NPSR1: variants seen among roughly 807,000 people sequenced by gnomAD.
NPSR1 encodes neuropeptide S receptor.
Under a neutral mutation model 46.9 loss-of-function variants are expected in NPSR1, and 48 were observed. The ratio of observed to expected loss-of-function variants is 1.02; its 90% confidence interval spans 0.81 to 1.30. The LOEUF (loss-of-function observed/expected upper bound fraction) is 1.30, where lower values mean the gene tolerates loss of function less well. NPSR1 is among the 50% of genes most tolerant of loss of function. The probability of loss-of-function intolerance (pLI) is 0.00; values close to 1 mark genes in which losing one functional copy is unlikely to be tolerated. For synonymous variants in NPSR1, 176 were observed against 168.1 expected, an observed-to-expected ratio of 1.05 and a Z score of -0.36; for missense variants, 450 against 449.5, an observed-to-expected ratio of 1.00 and a Z score of -0.01.
intron 1 of NPSR1, 56 bp downstream of exon 1, chr7:34,658,615 A>G (rs1262706597): frequency 7.2e-6 from 11 of 1,519,230 alleles, no homozygotes; most frequent in Non-Finnish European, 8.2e-6. Flanking sequence ...GACTGCTGGA[A>G]CTTAAGAGTG....
At position 34,774,010 on chromosome 7, in the gene NPSR1, C is replaced by T. The variant is rs139083202; in HGVS notation, c.281-4452C>T. On this transcript the variant is annotated intron_variant, in intron 2 of 8. Transcript: ENST00000360581. ...TCCCTTTCATTCAGGTCCCTGTCCA[C>T]ACAGCTAGACTATTGGCTACTGTGC... 5.0e-3 allele frequency among the ~76,000 whole-genome samples: 761 copies of T among 152,306 alleles called. 4 individuals are homozygous for T. The highest frequency in any genetic ancestry group is 0.027 in the Middle Eastern group (8 of 294).
chr7:34,755,859 T>C (rs572575231), intron 2 of NPSR1, among the ~76,000 whole-genome samples: 1 of 152,308 alleles, frequency 6.6e-6, no homozygotes. Flanking sequence ...AAAAAAATCT[T>C]TTCATATATG....
intron 2 of NPSR1, among the ~76,000 whole-genome samples, chr7:34,693,984 G>C (rs564951424): frequency 1.3e-5 from 2 of 152,016 alleles, no homozygotes; most frequent in African/African-American, 2.4e-5. Context: ...AACAAATTAG[G>C]CATCTAAGGA....
intron 5 of NPSR1, among the ~76,000 whole-genome samples, chr7:34,833,259 T>C (rs192458382): frequency 6.6e-6 from 1 of 152,338 alleles, no homozygotes; most frequent in Admixed American, 6.5e-5. Context: ...TCAAGATGCT[T>C]AATGTAGTCA....
intron 2 of NPSR1, among the ~76,000 whole-genome samples, chr7:34,731,741 G>A (rs1272792521): frequency 6.6e-6 from 1 of 152,082 alleles, no homozygotes; most frequent in East Asian, 1.9e-4. Context: ...AGGAGCTGAG[G>A]GGTTAATAGT....
At chr7:34,779,200 A>G (rs555519895) in intron 3 of NPSR1, among the ~76,000 whole-genome samples, 2 of 152,120 alleles carry the variant, frequency 1.3e-5, no homozygotes, top group South Asian at 4.1e-4. Flanking sequence ...TTAAAATATT[A>G]CATATATACA....
intron 2 of NPSR1, chr7:34,719,952 T>C (rs1020279506): frequency 2.6e-5 from 4 of 151,388 alleles, no homozygotes; most frequent in Non-Finnish European, 5.9e-5. Flanking sequence ...GAGCCCTCCA[T>C]GCCCATGCCA....
At chr7:34,706,104 C>CA (rs957284639) in intron 2 of NPSR1, among the ~76,000 whole-genome samples, 38 of 149,254 alleles carry the variant, frequency 2.5e-4, no homozygotes, top group African/African-American at 2.4e-4. Flanking sequence ...TTTGTGTTAC[C>CA]AAAAAAAAAT....
At chr7:34,791,103 AATATGTTATATAATATAATAT>A (rs1472127944) in intron 3 of NPSR1, among the ~76,000 whole-genome samples, 4 of 87,656 alleles carry the variant, frequency 4.6e-5, no homozygotes, top group African/African-American at 2.7e-4. Flanking sequence ...TATTATATAT[AATATGTTATATAATATAATAT>A]ATATGTTATA....
chr7:34,863,839 C>T (rs1176176866), intron 8 of NPSR1, among the ~76,000 whole-genome samples: 3 of 151,522 alleles, frequency 2.0e-5, no homozygotes, highest in African/African-American at 7.3e-5. Flanking sequence ...GATCTAGAAC[C>T]GGTAATACCA....
intron 3 of NPSR1, among the ~76,000 whole-genome samples, chr7:34,811,362 G>A (rs899283565): frequency 1.3e-5 from 2 of 152,052 alleles, no homozygotes; most frequent in African/African-American, 4.8e-5. Flanking sequence ...TCTTCTTAGT[G>A]TTCAGACCCT....
At chr7:34,789,513 C>A (rs1787621103) in intron 3 of NPSR1, among the ~76,000 whole-genome samples, 1 of 152,014 alleles carries the variant, frequency 6.6e-6, no homozygotes, top group South Asian at 2.1e-4. Flanking sequence ...TAAATGTCAG[C>A]CAGGCGTAGT....
In NPSR1 at chr7:34,827,726, A is replaced by G. The variant is rs1018611150; in HGVS notation, c.680+124A>G. ...CCTAGTGCCCTTGAGGGAACTGACCAGGCCACAAGATTTTATGTGTAGCTA... is the reference window on the plus strand; with the variant it reads ...CCTAGTGCCCTTGAGGGAACTGACCGGGCCACAAGATTTTATGTGTAGCTA... On this transcript the variant is annotated intron_variant, in intron 5 of 8. Coordinates refer to ENST00000360581, the MANE Select transcript of NPSR1 (RefSeq NM_207172.2). 7.1e-6 allele frequency: 5 copies of G among 699,792 alleles called. No individual in the cohort carries two copies. In the African/African-American group the frequency reaches 8.9e-5, roughly 12 times the overall value. 43.3% of individuals were successfully genotyped at this position (699,792 alleles called of 1,614,324 possible).
rs56324222 is a variant in NPSR1 at position 34,870,867 on chromosome 7, C to CATGGATGG, written c.1026-7181_1026-7174dup. ...AGCTTAATCAGGAAGAAGTGGGTAA[C>CATGGATGG]ATGGATGGATGGATGGATGGATGGA... On this transcript the variant is annotated intron_variant, in intron 8 of 8. Coordinates refer to the NPSR1 transcript ENST00000359791. Among the ~76,000 whole-genome samples the CATGGATGG allele has an allele frequency of 5.3e-3, 772 of 145,746 alleles. 10 individuals carry two copies. The highest frequency in any genetic ancestry group is 0.011 in the African/African-American group (391 of 36,936).
At chr7:34,799,557 C>T (rs1262984293) in intron 3 of NPSR1, among the ~76,000 whole-genome samples, 2 of 150,352 alleles carry the variant, frequency 1.3e-5, no homozygotes, top group Non-Finnish European at 3.0e-5. Context: ...AAAAGAGCTC[C>T]TGAAGGAAGC....
At chr7:34,839,896 C>A (rs1278455425) in intron 6 of NPSR1, among the ~76,000 whole-genome samples, 1 of 152,104 alleles carries the variant, frequency 6.6e-6, no homozygotes, top group East Asian at 1.9e-4. Flanking sequence ...TTAGGCAGAT[C>A]TTAGTCACAT....
intron 2 of NPSR1, among the ~76,000 whole-genome samples, chr7:34,725,126 GAC>G (rs1175106673): frequency 2.7e-5 from 3 of 111,972 alleles, no homozygotes; most frequent in East Asian, 2.3e-4. Context: ...CACACACACA[GAC>G]ACACACACAC....
At chr7:34,757,910 G>A (rs989210339) in intron 2 of NPSR1, among the ~76,000 whole-genome samples, 4 of 152,112 alleles carry the variant, frequency 2.6e-5, no homozygotes, top group South Asian at 4.1e-4. Flanking sequence ...TGGACACCTC[G>A]TTTGCTTTAT....
At chr7:34,877,006 C>T (rs1466945324) in intron 8 of NPSR1, among the ~76,000 whole-genome samples, 1 of 152,188 alleles carries the variant, frequency 6.6e-6, no homozygotes, top group Non-Finnish European at 1.5e-5. Flanking sequence ...GACACACAAC[C>T]TGGGCCTGCC....
Sources: gnomAD v4.1 joint callset for allele counts (sites outside exome capture counted in the v4.1 genomes callset) on GRCh38, gnomAD v4.1.1 for gene constraint, MANE v1.5 for transcripts, NCBI Gene and HGNC (gene_info 2026-07-23, HGNC 2026-07-21) for gene names.